Variants in GMDS observed in about 807,000 individuals in gnomAD.
GMDS encodes GDP-mannose 4,6 dehydratase.
In GMDS, 20 loss-of-function variants were observed where a neutral mutation model predicts 49.9. That is an observed-to-expected ratio of 0.40 (90% CI 0.28 to 0.58). The LOEUF is 0.58. Ranked by LOEUF, GMDS falls within the 20% of genes least tolerant of loss-of-function variation. The pLI is 0.42. For synonymous variants in GMDS, 177 were observed against 178.6 expected, an observed-to-expected ratio of 0.99 and a Z score of 0.07; for missense variants, 362 against 481.4, an observed-to-expected ratio of 0.75 and a Z score of 2.32.
chr6:1,652,454 TTTATATATA>T (rs1763697696), intron 9 of GMDS, among the ~76,000 whole-genome samples: 2 of 11,382 alleles, frequency 1.8e-4, no homozygotes, highest in African/African-American at 6.1e-4. Context: ...TTATATATTA[TTTATATATA>T]ATATATTATA....
Position 1,629,434 on chromosome 6 carries a change from G to C in GMDS, c.988-4894C>G, listed in dbSNP as rs558743901. 7.5e-4 allele frequency among the ~76,000 whole-genome samples: 114 copies of C among 152,150 alleles called. 1 individual carries two copies. The highest frequency in any genetic ancestry group is 1.9e-3 in the South Asian group (9 of 4,808). On this transcript the variant is annotated intron_variant, in intron 9 of 10. Transcript: ENST00000380815. The stretch of plus-strand genomic sequence containing the variant: ...CCTGTCTGCTCAGGAAGCGGGACTC[G>C]GTGGGACTGTCCGTAGGCAGAGCTC...
Position 1,836,156 on chromosome 6 carries a change from C to T in GMDS, c.772-93570G>A, listed in dbSNP as rs1391035938. On this transcript the variant is annotated intron_variant, in intron 7 of 10. Coordinates refer to ENST00000380815, the MANE Select transcript of GMDS (RefSeq NM_001500.4). This position sits in a 1 kb window ranked among gnomAD's most constrained non-coding sequence, Gnocchi z 4.2. ...TGCTGGGATTACAGGCCTGAGCCAC[C>T]GTGCCTGGCCTCGTTTGCTTTATTT... Among the ~76,000 whole-genome samples the T allele has an allele frequency of 3.3e-5, 5 of 152,276 alleles. No homozygotes were observed. Among genetic ancestry groups the T allele is most frequent in the Middle Eastern group, 3.4e-3 (1 of 294 alleles).
chr6:1,735,625 T>C (rs774823670), intron 8 of GMDS, among the ~76,000 whole-genome samples: 15 of 152,138 alleles, frequency 9.9e-5, no homozygotes, highest in Non-Finnish European at 1.8e-4. Context: ...CCACACACAA[T>C]GCACTAGCTC....
Position 1,766,963 on chromosome 6 carries a change from G to C in GMDS, c.772-24377C>G, listed in dbSNP as rs896002590. Among the ~76,000 whole-genome samples the C allele has an allele frequency of 6.6e-6, 1 of 152,164 alleles. No individual in the cohort carries two copies. Reference sequence around the variant, plus strand: ...GAATCTGACTTAAGTGTAAAATCGAGCAGGGATCCCCAAACCTTCCTCTCA... The same window carrying C: ...GAATCTGACTTAAGTGTAAAATCGACCAGGGATCCCCAAACCTTCCTCTCA... On this transcript the variant is annotated intron_variant, in intron 7 of 10. Coordinates refer to ENST00000380815, the MANE Select transcript of GMDS (RefSeq NM_001500.4). The surrounding 1 kb of genome is among the most constrained non-coding windows in gnomAD (Gnocchi z 4.5).
At position 2,207,210 on chromosome 6, in the gene GMDS, T is replaced by C. The variant is rs181665148; in HGVS notation, c.102+38111A>G. On this transcript the variant is annotated intron_variant, in intron 1 of 10. Coordinates refer to ENST00000380815, the MANE Select transcript of GMDS (RefSeq NM_001500.4). ...TATATCTGGCTTCTACCCTCAAGTT[T>C]ATGTCACCAATGAAAACTGCTGCTG... is the stretch of plus-strand genomic sequence containing the variant. Among the ~76,000 whole-genome samples the C allele has an allele frequency of 3.2e-3, 488 of 152,004 alleles. 3 individuals carry two copies. The highest frequency in any genetic ancestry group is 4.7e-3 in the Non-Finnish European group (320 of 68,004).
At chr6:1,988,762 TA>T (rs1277384297) in intron 4 of GMDS, among the ~76,000 whole-genome samples, 3 of 152,076 alleles carry the variant, frequency 2.0e-5, no homozygotes, top group Non-Finnish European at 4.4e-5. Flanking sequence ...ATCAATATTT[TA>T]AAATGAGAAG....
At chr6:2,136,260 G>A (rs533682702) in intron 1 of GMDS, among the ~76,000 whole-genome samples, 78 of 152,280 alleles carry the variant, frequency 5.1e-4, no homozygotes, top group Admixed American at 4.6e-3. Flanking sequence ...TACTTGATCT[G>A]TTTTAGATTT....
At chr6:2,079,019 CTT>C (rs386405902) in intron 4 of GMDS, among the ~76,000 whole-genome samples, 87 of 33,978 alleles carry the variant, frequency 2.6e-3, no homozygotes, top group African/African-American at 4.8e-3. Flanking sequence ...ATGACCTTGT[CTT>C]TTTTTTTTTT....
At chr6:1,654,529 T>C (rs576280712) in intron 9 of GMDS, among the ~76,000 whole-genome samples, 2 of 152,296 alleles carry the variant, frequency 1.3e-5, no homozygotes, top group East Asian at 1.9e-4. Flanking sequence ...AAATACTCCA[T>C]GGTTCCACTT....
chr6:2,138,416 T>C (rs1404847992), intron 1 of GMDS, among the ~76,000 whole-genome samples: 2 of 152,238 alleles, frequency 1.3e-5, no homozygotes, highest in Non-Finnish European at 2.9e-5. Flanking sequence ...ACTGGCTTCC[T>C]CTATAGTGCA....
At chr6:2,237,795 T>G (rs2127599569) in intron 1 of GMDS, among the ~76,000 whole-genome samples, 1 of 152,242 alleles carries the variant, frequency 6.6e-6, no homozygotes, top group South Asian at 2.1e-4. Flanking sequence ...GTGTTGGGAT[T>G]ACAGGCATGA....
At chr6:1,905,941 G>A (rs183294483) in intron 7 of GMDS, among the ~76,000 whole-genome samples, 34 of 152,116 alleles carry the variant, frequency 2.2e-4, no homozygotes, top group African/African-American at 7.5e-4. Context: ...GGAGCGCCCA[G>A]GTGGCTGTTG....
At chr6:2,045,136 A>G (rs1388670405) in intron 4 of GMDS, among the ~76,000 whole-genome samples, 1 of 152,006 alleles carries the variant, frequency 6.6e-6, no homozygotes, top group Non-Finnish European at 1.5e-5. Context: ...AATAATTTAT[A>G]TTTTCCTATA....
At chr6:2,104,026 C>T (rs1774078430) in intron 4 of GMDS, among the ~76,000 whole-genome samples, 8 of 152,186 alleles carry the variant, frequency 5.3e-5, no homozygotes, top group Admixed American at 5.2e-4. Flanking sequence ...CGTGGACTGA[C>T]ATTTCCTCTT....
intron 4 of GMDS, among the ~76,000 whole-genome samples, chr6:2,065,753 A>G (rs1378234681): frequency 2.0e-5 from 3 of 152,198 alleles, no homozygotes; most frequent in Non-Finnish European, 4.4e-5. Flanking sequence ...CAAAGCCTCC[A>G]AGAAATATGG....
At chr6:1,756,568 G>A (rs564828618) in intron 7 of GMDS, among the ~76,000 whole-genome samples, 1 of 152,100 alleles carries the variant, frequency 6.6e-6, no homozygotes, top group African/African-American at 2.4e-5. Context: ...CACCATGCCC[G>A]GCTGGCTGCA....
intron 1 of GMDS, among the ~76,000 whole-genome samples, chr6:2,194,000 C>T (rs1268284762): frequency 1.3e-5 from 2 of 151,492 alleles, no homozygotes; most frequent in African/African-American, 2.4e-5. Context: ...GGATTACAGG[C>T]GTGAGCCACC....
chr6:1,811,976 T>G (rs1432876116), intron 7 of GMDS, among the ~76,000 whole-genome samples: 3 of 152,234 alleles, frequency 2.0e-5, no homozygotes, highest in Non-Finnish European at 4.4e-5. Flanking sequence ...CCAGGTACAC[T>G]GCTGGAAATA....
chr6:1,999,260 T>C (rs113239581), intron 4 of GMDS, among the ~76,000 whole-genome samples: 2,488 of 145,782 alleles, frequency 0.017, 52 homozygotes, highest in Middle Eastern at 0.07. Context: ...AGTTGGAGGC[T>C]GCAGTGAGCC....
Sources: allele counts gnomAD v4.1 joint callset (sites outside exome capture counted in the v4.1 genomes callset), GRCh38; gene constraint gnomAD v4.1.1; non-coding constraint Gnocchi (gnomAD v3.1); transcripts MANE v1.5; gene names NCBI Gene and HGNC (gene_info 2026-07-23, HGNC 2026-07-21).